The following WASL variants were observed in gnomAD, a reference collection of about 807,000 sequenced individuals.
WASL encodes actin nucleation-promoting factor WASL.
WASL carries 20 observed loss-of-function variants against 55.5 expected under a neutral mutation model. The observed-to-expected ratio is 0.36, with a 90% confidence interval of 0.25 to 0.52. The LOEUF (loss-of-function observed/expected upper bound fraction) is 0.52. WASL is among the 20% of genes least tolerant of loss of function. WASL has a pLI of 0.92. For synonymous variants in WASL, 249 were observed against 217.6 expected (o/e 1.14, Z -1.27); for missense variants, 504 against 622.5 (o/e 0.81, Z 2.03).
At chr7:123,684,758 G>GT (rs887706359) in intron 10 of WASL, among the ~76,000 whole-genome samples, 178 bp from the exon 11 acceptor site, 1 of 151,910 alleles carries the variant, frequency 6.6e-6, no homozygotes, top group African/African-American at 2.4e-5. Context: ...GAGTATGATA[G>GT]TAAACTAAAG....
chr7:123,710,900 C>T (rs773245646), intron 1 of WASL, among the ~76,000 whole-genome samples: 23 of 152,138 alleles, frequency 1.5e-4, no homozygotes, highest in Non-Finnish European at 1.3e-4. Flanking sequence ...CAGAAAAATG[C>T]GTCTTGCATA....
At chr7:123,716,613 G>GA (rs963122940) in intron 1 of WASL, among the ~76,000 whole-genome samples, 2 of 152,056 alleles carry the variant, frequency 1.3e-5, no homozygotes, top group African/African-American at 4.8e-5. Flanking sequence ...GAGAGGGAGG[G>GA]AGAGTGCAAC....
At chr7:123,699,369 C>T (rs1479004893) in intron 5 of WASL, among the ~76,000 whole-genome samples, 1 of 151,996 alleles carries the variant, frequency 6.6e-6, no homozygotes, top group African/African-American at 2.4e-5. Context: ...AGAGCAAGAC[C>T]CTGTCTCAAA....
chr7:123,692,136 A>G (rs1803419140), intron 9 of WASL, among the ~76,000 whole-genome samples: 1 of 152,174 alleles, frequency 6.6e-6, no homozygotes, highest in African/African-American at 2.4e-5. Flanking sequence ...GGATATAGAG[A>G]TATGGGTTAC....
intron 1 of WASL, among the ~76,000 whole-genome samples, chr7:123,740,855 C>T (rs1486378580): frequency 2.0e-5 from 3 of 152,086 alleles, no homozygotes; most frequent in Non-Finnish European, 2.9e-5. Flanking sequence ...CAAAGCGCTG[C>T]GATTAAAGGT....
At chr7:123,703,604 A>C (rs1002729890) in intron 5 of WASL, among the ~76,000 whole-genome samples, 1 of 152,222 alleles carries the variant, frequency 6.6e-6, no homozygotes, top group Non-Finnish European at 1.5e-5. Context: ...TAAAAAATTA[A>C]TAATAAGGTA....
At chr7:123,727,617 G>A (rs996205695) in intron 1 of WASL, among the ~76,000 whole-genome samples, 1 of 152,180 alleles carries the variant, frequency 6.6e-6, no homozygotes, top group African/African-American at 2.4e-5. Flanking sequence ...ACAGAAATCA[G>A]AAAGTGATTG....
chr7:123,700,646 G>C (rs1388226420), intron 5 of WASL, among the ~76,000 whole-genome samples: 1 of 152,076 alleles, frequency 6.6e-6, no homozygotes, highest in African/African-American at 2.4e-5. Flanking sequence ...CATCGTATTA[G>C]CCAGGATGGT....
At chr7:123,717,241 G>A (rs1032246545) in intron 1 of WASL, among the ~76,000 whole-genome samples, 3 of 152,128 alleles carry the variant, frequency 2.0e-5, no homozygotes, top group Non-Finnish European at 2.9e-5. Flanking sequence ...ACATTAAGTT[G>A]TTTGTCCTGG....
At chr7:123,696,520 C>A in intron 6 of WASL, 59 bp downstream of exon 6, 1 of 1,404,912 alleles carries the variant, frequency 7.1e-7, no homozygotes, top group South Asian at 2.0e-5. Flanking sequence ...AGTTAAAAAT[C>A]AAGAACAGCA....
chr7:123,706,512 T>A, intron 3 of WASL, 139 bp from the exon 4 acceptor site: 1 of 886,232 alleles, frequency 1.1e-6, no homozygotes, highest in South Asian at 1.8e-5. Context: ...TATTTTATGA[T>A]CTGAATAACT....
intron 10 of WASL, among the ~76,000 whole-genome samples, chr7:123,686,296 T>C (rs968507013): frequency 6.6e-6 from 1 of 152,050 alleles, no homozygotes; most frequent in African/African-American, 2.4e-5. Context: ...TTAATTTCTG[T>C]TTACTCTTCT....
rs754538713 is a variant in WASL, at chr7:123,739,898, GTGTGTGTGTGTGTGTGTATA to G, written c.117+8700_117+8719del. ...TATATGTGTGTGTGTGTGTGTGTGT[GTGTGTGTGTGTGTGTGTATA>G]TATATATATATATGCTGGTTTGCAG... On this transcript the variant is annotated intron_variant, in intron 1 of 10. Coordinates refer to ENST00000223023, the MANE Select transcript of WASL (RefSeq NM_003941.4). Among the ~76,000 whole-genome samples, 16 of 56,078 alleles carry G rather than the reference GTGTGTGTGTGTGTGTGTATA, an allele frequency of 2.9e-4. No homozygotes were observed. In the South Asian group the frequency reaches 3.4e-3, roughly 12 times the overall value. The allele number at this position is 56,078 out of a possible 152,430, so 36.8% of individuals were successfully genotyped here.
intron 1 of WASL, among the ~76,000 whole-genome samples, chr7:123,720,690 G>A (rs1803931144): frequency 7.2e-6 from 1 of 139,206 alleles, no homozygotes; most frequent in Non-Finnish European, 1.5e-5. Context: ...TCATTCTCTC[G>A]CCCAGGCTGG....
At chr7:123,728,564 G>A (rs762683347) in intron 1 of WASL, among the ~76,000 whole-genome samples, 5 of 152,222 alleles carry the variant, frequency 3.3e-5, no homozygotes, top group Middle Eastern at 3.4e-3. Flanking sequence ...AATGTCAGCC[G>A]GGCGCAGCGG....
Position 123,692,591 on chromosome 7 carries a change from A to AC in WASL, c.1102dup (p.Val368GlyfsTer27). 1 of 1,607,608 alleles carries AC rather than the reference A, an allele frequency of 6.2e-7. No homozygotes were observed. Among genetic ancestry groups the AC allele is most frequent in the African/African-American group, 1.3e-5 (1 of 74,408 alleles). On this transcript the variant is annotated frameshift_variant, in exon 9 of 11. Transcript: ENST00000223023. LOFTEE classifies it high-confidence loss of function. The stretch of plus-strand genomic sequence containing the variant: ...CGGTGGGGGTGGTGCCACTGGCCCT[A>AC]CCCCCAACACAGATGGAGGTGGTGG...
chr7:123,706,420 T>C, intron 3 of WASL, 47 bp from the exon 4 acceptor site: 2 of 1,518,590 alleles, frequency 1.3e-6, no homozygotes, highest in Middle Eastern at 1.7e-4. Flanking sequence ...TGTATGAATT[T>C]AGCTTTATAT....
At chr7:123,727,197 G>A (rs1804060298) in intron 1 of WASL, among the ~76,000 whole-genome samples, 1 of 152,118 alleles carries the variant, frequency 6.6e-6, no homozygotes, top group Non-Finnish European at 1.5e-5. Flanking sequence ...CTGGAGATGT[G>A]GAGCAATGGG....
At chr7:123,725,202 G>A (rs1041587236) in intron 1 of WASL, among the ~76,000 whole-genome samples, 2 of 152,062 alleles carry the variant, frequency 1.3e-5, no homozygotes, top group African/African-American at 2.4e-5. Flanking sequence ...TTTTCAAGAC[G>A]GTCTTAAAAA....
Sources: gnomAD v4.1 joint callset for allele counts (sites outside exome capture counted in the v4.1 genomes callset) on GRCh38, gnomAD v4.1.1 for gene constraint, MANE v1.5 for transcripts, NCBI Gene and HGNC (gene_info 2026-07-23, HGNC 2026-07-21) for gene names.